RP1: variants seen among roughly 807,000 people sequenced by gnomAD.
RP1 encodes the protein oxygen-regulated protein 1.
Under a neutral mutation model 14.8 loss-of-function variants are expected in RP1, and 16 were observed. The ratio of observed to expected loss-of-function variants is 1.08; its 90% CI spans 0.73 to 1.65. The LOEUF (loss-of-function observed/expected upper bound fraction) is 1.65, where lower values mean the gene tolerates loss of function less well. RP1 is among the 40% of genes most tolerant of loss of function. The pLI, the probability that RP1 is intolerant of heterozygous loss-of-function variation, is 0.00. For missense variants in RP1, 2,631 were observed against 2,535.0 expected (o/e 1.04, Z -0.81); for synonymous variants, 876 against 883.6 (o/e 0.99, Z 0.15).
intron 19 of RP1, among the ~76,000 whole-genome samples, chr8:54,741,418 T>C (rs946994888): frequency 4.6e-5 from 7 of 151,950 alleles, no homozygotes; most frequent in Non-Finnish European, 1.0e-4. Flanking sequence ...TTTAATATGT[T>C]TAGATTTGTA....
chr8:54,572,932 C>G (rs978501820), intron 1 of RP1, among the ~76,000 whole-genome samples: 1 of 152,126 alleles, frequency 6.6e-6, no homozygotes, highest in Non-Finnish European at 1.5e-5. Flanking sequence ...TATTTAAGAA[C>G]CAAATCAGAG....
chr8:54,572,465 C>G (rs1804543844), intron 1 of RP1, among the ~76,000 whole-genome samples: 1 of 152,224 alleles, frequency 6.6e-6, no homozygotes, highest in East Asian at 1.9e-4. Context: ...AGTCATTTGT[C>G]TGGATAGCAA....
intron 1 of RP1, among the ~76,000 whole-genome samples, chr8:54,572,992 A>G (rs1804554208): frequency 6.9e-6 from 1 of 145,362 alleles, no homozygotes; most frequent in African/African-American, 2.4e-5. Context: ...ACTTTTTACA[A>G]TCTTGGCATA....
chr8:54,780,087 G>A (rs1036092803), intron 23 of RP1, among the ~76,000 whole-genome samples: 1 of 152,172 alleles, frequency 6.6e-6, no homozygotes, highest in African/African-American at 2.4e-5. Flanking sequence ...CCCCCATGCT[G>A]CCAGCTGATA....
At chr8:54,846,858 G>A (rs1811932286) in intron 25 of RP1, among the ~76,000 whole-genome samples, 1 of 152,078 alleles carries the variant, frequency 6.6e-6, no homozygotes, top group Non-Finnish European at 1.5e-5. Flanking sequence ...TCCCTCATTG[G>A]TAATGTCTGC....
intron 5 of RP1, among the ~76,000 whole-genome samples, chr8:54,653,037 G>A (rs1240961929): frequency 6.6e-6 from 1 of 151,912 alleles, no homozygotes; most frequent in Non-Finnish European, 1.5e-5. Context: ...ATTCTTAATT[G>A]ATTGAGGGAG....
At chr8:54,611,332 T>C (rs971249612), upstream of RP1, among the ~76,000 whole-genome samples, 2 of 152,208 alleles carry the variant, frequency 1.3e-5, no homozygotes, top group African/African-American at 4.8e-5. Flanking sequence ...AATGTGTATG[T>C]TATTCTAGTT....
chr8:54,700,996 C>T (rs1808001038), intron 13 of RP1, among the ~76,000 whole-genome samples: 1 of 152,152 alleles, frequency 6.6e-6, no homozygotes, highest in Non-Finnish European at 1.5e-5. Flanking sequence ...CACCCTACTG[C>T]CTCCCTGGGG....
chr8:54,782,408 A>G (rs372830222), intron 23 of RP1, among the ~76,000 whole-genome samples: 1 of 152,186 alleles, frequency 6.6e-6, no homozygotes, highest in East Asian at 1.9e-4. Context: ...GGGGAGTAGC[A>G]TTGTGTTTTT....
At chr8:54,862,539 A>C (rs911493371) in intron 27 of RP1, among the ~76,000 whole-genome samples, 2 of 152,144 alleles carry the variant, frequency 1.3e-5, no homozygotes, top group African/African-American at 4.8e-5. Flanking sequence ...AGTGATTTAC[A>C]AAAAAGATTT....
chr8:54,638,142 T>C (rs930575843), intron 3 of RP1, among the ~76,000 whole-genome samples: 8 of 152,178 alleles, frequency 5.3e-5, no homozygotes, highest in African/African-American at 1.7e-4. Flanking sequence ...AATTCTCTTA[T>C]AGTTTATAAT....
intron 28 of RP1, among the ~76,000 whole-genome samples, chr8:54,866,675 A>G (rs1016538041): frequency 2.6e-5 from 4 of 152,190 alleles, no homozygotes; most frequent in African/African-American, 9.6e-5. Flanking sequence ...TTGACCACCC[A>G]CCATATCAAG....
chr8:54,606,649 G>T (rs564923286), intron 1 of RP1, among the ~76,000 whole-genome samples: 13 of 152,264 alleles, frequency 8.5e-5, no homozygotes, highest in East Asian at 7.7e-4. Context: ...TTCCAACTTG[G>T]TTGCACTCTC....
intron 15 of RP1, among the ~76,000 whole-genome samples, chr8:54,711,762 T>C (rs1216003932): frequency 6.6e-6 from 1 of 152,128 alleles, no homozygotes; most frequent in African/African-American, 2.4e-5. Context: ...TGATTGTAAA[T>C]GTAGGAGACA....
chr8:54,769,787 C>T (rs1368156200), exon 23 of RP1: 3 of 1,533,712 alleles, frequency 2.0e-6, no homozygotes, highest in African/African-American at 2.7e-5. Context: ...AGAAATTGAA[C>T]TTTATCTTCA....
intron 18 of RP1, among the ~76,000 whole-genome samples, chr8:54,735,296 C>A (rs539662471): frequency 2.2e-4 from 34 of 152,286 alleles, no homozygotes; most frequent in Non-Finnish European, 2.1e-4. Context: ...AGTCAGAGAG[C>A]ACTGGGCTGC....
intron 7 of RP1, among the ~76,000 whole-genome samples, chr8:54,671,389 T>C (rs1333061511): frequency 6.6e-6 from 1 of 152,098 alleles, no homozygotes; most frequent in East Asian, 1.9e-4. Context: ...ATTTTAGAAG[T>C]TTTTGGCTAT....
At position 54,627,085 on chromosome 8, in the gene RP1, C is replaced by T; in HGVS notation, c.3203C>T (p.Ala1068Val). 1 of 1,614,012 alleles carries T rather than the reference C, an allele frequency of 6.2e-7. No homozygotes were observed. Among genetic ancestry groups the T allele is most frequent in the Non-Finnish European group, 8.5e-7 (1 of 1,179,976 alleles). The change falls in exon 4 of 4, where the codon GCC becomes GTC. Residue 1068 changes from alanine (A) to valine (V), a missense_variant. Transcript: ENST00000220676. ...LARKRQSVEA[A>V]IQVDPIEEET... The stretch of plus-strand genomic sequence containing the variant: ...AGAAAAAGGCAAAGTGTAGAGGCTG[C>T]CATTCAAGTAGATCCTATAGAAGAG...
chr8:54,852,767 C>G, intron 26 of RP1: 1 of 1,224,368 alleles, frequency 8.2e-7, no homozygotes, highest in East Asian at 3.2e-5. Flanking sequence ...TACCGACTAT[C>G]GTTCCTTTAA....
Sources: allele counts gnomAD v4.1 joint callset (sites outside exome capture counted in the v4.1 genomes callset), GRCh38; gene constraint gnomAD v4.1.1; transcripts MANE v1.5; gene names NCBI Gene and HGNC (gene_info 2026-07-23, HGNC 2026-07-21).